METTL22: variants seen among roughly 807,000 people sequenced by gnomAD.
METTL22 encodes the protein methyltransferase-like protein 22.
METTL22 carries 51 observed loss-of-function variants against 48.4 expected under a neutral mutation model. The observed-to-expected ratio is 1.05, with a 90% CI of 0.84 to 1.33. The LOEUF (loss-of-function observed/expected upper bound fraction) is 1.33, where lower values mean the gene tolerates loss of function less well. Among genes scored for constraint, METTL22 ranks in the 40% most tolerant of loss-of-function variants. METTL22 has a pLI of 0.00. For missense variants in METTL22, 678 were observed against 526.9 expected (o/e 1.29, Z -2.81); for synonymous variants, 255 against 214.1 (o/e 1.19, Z -1.67).
chr16:8,645,841 G>C (rs62030945), intron 10 of METTL22: 2 of 1,044,110 alleles, frequency 1.9e-6, no homozygotes, highest in East Asian at 4.4e-5. Context: ...CTGCTATTCT[G>C]GTCTCTTCTG....
At position 8,646,423 on chromosome 16, in the gene METTL22, C is replaced by T. The variant is rs1391600991; in HGVS notation, c.*280C>T. The T allele has an allele frequency of 1.5e-6, 1 of 662,572 alleles. No homozygotes were observed. Among genetic ancestry groups the T allele is most frequent in the Non-Finnish European group, 2.8e-6 (1 of 359,764 alleles). The allele number at this position is 662,572 out of a possible 1,614,324, so 41.0% of individuals were successfully genotyped here. On this transcript the variant is annotated 3_prime_UTR_variant, in exon 11 of 11. Coordinates refer to ENST00000381920, the MANE Select transcript of METTL22 (RefSeq NM_024109.4). ...AGCCGAGCCACGTTCCTTCTCAGCT[C>T]AGTTCCACCCACGTCAGTCATTTCA...
chr16:8,634,601 GAAGTT>G (rs754131635), intron 3 of METTL22, among the ~76,000 whole-genome samples: 5 of 152,266 alleles, frequency 3.3e-5, no homozygotes, highest in Admixed American at 1.3e-4. Flanking sequence ...AGAAAATAAT[GAAGTT>G]AAGTATGTTT....
chr16:8,657,733 A>G, the METTL22 span, among the ~76,000 whole-genome samples: 3 of 152,130 alleles, frequency 2.0e-5, no homozygotes, highest in Non-Finnish European at 4.4e-5. Flanking sequence ...TTGCAGATCT[A>G]ATTAAGTTAA....
chr16:8,642,656 T>C lies in METTL22; in HGVS notation c.1010+91T>C, dbSNP rs903555544. ...TGTGTCCTTGTCAGTGTCATTATGATTGTTACTCAGTGCCACTTATTGAGC... is the reference window on the plus strand; with the variant it reads ...TGTGTCCTTGTCAGTGTCATTATGACTGTTACTCAGTGCCACTTATTGAGC... On this transcript the variant is annotated intron_variant, in intron 9 of 10. Coordinates refer to ENST00000381920, the MANE Select transcript of METTL22 (RefSeq NM_024109.4). 4 of 1,234,316 alleles carry C rather than the reference T, an allele frequency of 3.2e-6. No individual in the cohort carries two copies. The African/African-American group carries it at 5.9e-5, about 18-fold the overall frequency. 76.5% of individuals were successfully genotyped at this position (1,234,316 alleles called of 1,614,324 possible). A position where few individuals can be genotyped will look rare whatever the true frequency, so the allele number is the denominator to read the frequency against.
the METTL22 span, among the ~76,000 whole-genome samples, chr16:8,666,196 T>C: frequency 2.0e-5 from 3 of 152,296 alleles, no homozygotes; most frequent in African/African-American, 7.2e-5. Context: ...AGCAAGCAGT[T>C]CTTGGCCAAT....
At chr16:8,623,278 T>G (rs973473494) in intron 1 of METTL22, among the ~76,000 whole-genome samples, 17 of 150,320 alleles carry the variant, frequency 1.1e-4, no homozygotes, top group Admixed American at 6.6e-4. Context: ...ACCACTGCAC[T>G]CTAGCCTGGG....
the METTL22 span, among the ~76,000 whole-genome samples, chr16:8,658,074 C>T: frequency 6.6e-6 from 1 of 152,192 alleles, no homozygotes. Flanking sequence ...ACCTTGGCCT[C>T]CCAAAGTGCT....
Position 8,621,700 on chromosome 16 carries a change from A to G in METTL22, c.-246A>G, listed in dbSNP as rs916135127. On this transcript the variant is annotated 5_prime_UTR_variant, in exon 1 of 11. Coordinates refer to ENST00000381920, the MANE Select transcript of METTL22 (RefSeq NM_024109.4). ...CGGGGGCGGGGCCGCGCCTGCGCAGACCGCCTGTTATGGCGGCCGCCTAAG... is the reference window on the plus strand; with the variant it reads ...CGGGGGCGGGGCCGCGCCTGCGCAGGCCGCCTGTTATGGCGGCCGCCTAAG... 1.3e-5 allele frequency: 2 copies of G among 152,152 alleles called. No homozygotes were observed. The highest frequency in any genetic ancestry group is 4.8e-5 in the African/African-American group (2 of 41,410). The allele number at this position is 152,152 out of a possible 1,614,324, so 9.4% of individuals were successfully genotyped here. A position where few individuals can be genotyped will look rare whatever the true frequency, so the allele number is the denominator to read the frequency against.
chr16:8,623,279 C>G (rs1003456151), intron 1 of METTL22, among the ~76,000 whole-genome samples: 1 of 150,576 alleles, frequency 6.6e-6, no homozygotes, highest in Non-Finnish European at 1.5e-5. Flanking sequence ...CCACTGCACT[C>G]TAGCCTGGGC....
At position 8,646,164 on chromosome 16, in the gene METTL22, C is replaced by T. The variant is rs770571626; in HGVS notation, c.*21C>T. On this transcript the variant is annotated 3_prime_UTR_variant, in exon 11 of 11. Transcript: ENST00000381920. ...CATGACCCATCGCCTCCACAAGGCG[C>T]GGCGTCTCGACTGTTCTTAGAGTGT... 24 of 1,613,612 alleles carry T rather than the reference C, an allele frequency of 1.5e-5. No homozygotes were observed. Among genetic ancestry groups the T allele is most frequent in the East Asian group, 4.5e-5 (2 of 44,876 alleles).
downstream of METTL22, among the ~76,000 whole-genome samples, chr16:8,651,397 A>AAAAAAAAAAAAC (rs2056895671): frequency 3.3e-5 from 5 of 149,590 alleles, no homozygotes; most frequent in Non-Finnish European, 7.4e-5. Flanking sequence ...AAAAAAAAAA[A>AAAAAAAAAAAAC]AAAAAACATA....
At chr16:8,636,011 G>A (rs906746638) in intron 5 of METTL22, among the ~76,000 whole-genome samples, 1 of 152,124 alleles carries the variant, frequency 6.6e-6, no homozygotes, top group Non-Finnish European at 1.5e-5. Context: ...GGTTTCTGAT[G>A]TGCAGCTATA....
intron 5 of METTL22, among the ~76,000 whole-genome samples, chr16:8,636,286 GC>G (rs2056418868): frequency 6.6e-6 from 1 of 152,170 alleles, no homozygotes; most frequent in Non-Finnish European, 1.5e-5. Flanking sequence ...TGTAATCCCA[GC>G]CCTTTGGGAG....
chr16:8,627,772 G>T (rs73491493), intron 2 of METTL22, among the ~76,000 whole-genome samples: 1,904 of 152,230 alleles, frequency 0.013, 47 homozygotes, highest in African/African-American at 0.044. Flanking sequence ...ATGAGACAGG[G>T]TCTCATTCTG....
intron 10 of METTL22, chr16:8,645,856 T>G (rs71377180): frequency 2.5e-6 from 3 of 1,222,226 alleles, no homozygotes; most frequent in Non-Finnish European, 3.1e-6. Context: ...CTTCTGATTG[T>G]TTGACATCCT....
chr16:8,631,455 C>G (rs770229469), intron 3 of METTL22: 1 of 152,184 alleles, frequency 6.6e-6, no homozygotes, highest in African/African-American at 2.4e-5. Flanking sequence ...CTTAGCCTCT[C>G]TGAGTTCAGT....
chr16:8,663,492 G>A, the METTL22 span, among the ~76,000 whole-genome samples: 1 of 152,072 alleles, frequency 6.6e-6, no homozygotes, highest in East Asian at 1.9e-4. Context: ...ATACCTGGAT[G>A]TTCCAGTGGG....
chr16:8,628,613 T>C (rs1272744111), intron 2 of METTL22, 117 bp from the exon 3 acceptor site: 29 of 1,362,988 alleles, frequency 2.1e-5, no homozygotes, highest in Middle Eastern at 4.9e-4. Flanking sequence ...TTAGTATATC[T>C]CTACCTGGCC....
chr16:8,625,516 A>G lies in METTL22; in HGVS notation c.-150A>G, dbSNP rs2056015887. ...TCCAGCTGGATTCTCTTCCCTGGCC[A>G]AGTCTCTGAGATCTTCTCCCAGGGC... On this transcript the variant is annotated 5_prime_UTR_variant, in exon 2 of 11. Coordinates refer to ENST00000381920, the MANE Select transcript of METTL22 (RefSeq NM_024109.4). The G allele has an allele frequency of 1.8e-6, 1 of 560,878 alleles. No homozygotes were observed. The highest frequency in any genetic ancestry group is 1.9e-5 in the African/African-American group (1 of 52,858). The allele number at this position is 560,878 out of a possible 1,614,324, so 34.7% of individuals were successfully genotyped here.
Sources: gnomAD v4.1 joint callset for allele counts (sites outside exome capture counted in the v4.1 genomes callset) on GRCh38, gnomAD v4.1.1 for gene constraint, MANE v1.5 for transcripts, NCBI Gene and HGNC (gene_info 2026-07-23, HGNC 2026-07-21) for gene names.